CTNNA3: variants seen among roughly 807,000 people sequenced by gnomAD.
The protein encoded by CTNNA3 is catenin alpha-3.
Under a neutral mutation model 95.7 loss-of-function variants are expected in CTNNA3, and 76 were observed. The ratio of observed to expected loss-of-function variants is 0.79; its 90% CI spans 0.66 to 0.96. CTNNA3 has a LOEUF of 0.96. CTNNA3 is among the 40% of genes least tolerant of loss of function. The pLI is 0.00. For missense variants in CTNNA3, 1,191 were observed against 1,089.8 expected (o/e 1.09, Z -1.31); for synonymous variants, 431 against 374.4 (o/e 1.15, Z -1.74).
intron 5 of CTNNA3, among the ~76,000 whole-genome samples, chr10:67,264,419 A>C (rs1343285239): frequency 6.6e-6 from 1 of 152,180 alleles, no homozygotes; most frequent in East Asian, 1.9e-4. Context: ...ATCTCCAAAC[A>C]GCTATATGAG....
intron 5 of CTNNA3, among the ~76,000 whole-genome samples, chr10:67,379,608 T>C (rs924406867): frequency 2.6e-5 from 4 of 152,152 alleles, no homozygotes; most frequent in Admixed American, 6.5e-5. Context: ...GGTAATTTTT[T>C]AAATAGGATC....
chr10:66,130,635 G>C (rs979475849), intron 13 of CTNNA3, among the ~76,000 whole-genome samples: 6 of 151,942 alleles, frequency 3.9e-5, no homozygotes, highest in Admixed American at 6.5e-5. Flanking sequence ...GTGAGGTCTC[G>C]AGTTCGAGAC....
At chr10:66,928,291 C>A in intron 7 of CTNNA3, 1 of 1,614,078 alleles carries the variant, frequency 6.2e-7, no homozygotes, top group Non-Finnish European at 8.5e-7. Flanking sequence ...CTCCCTCATG[C>A]GAAGGCACAG....
intron 7 of CTNNA3, among the ~76,000 whole-genome samples, chr10:67,066,496 C>T (rs1282919530): frequency 6.7e-6 from 1 of 149,824 alleles, no homozygotes; most frequent in Non-Finnish European, 1.5e-5. Context: ...TGGCCAAGTC[C>T]CTTGCTTTTT....
chr10:66,240,796 G>C (rs1230745974), intron 13 of CTNNA3, among the ~76,000 whole-genome samples: 2 of 151,948 alleles, frequency 1.3e-5, no homozygotes, highest in African/African-American at 4.8e-5. Context: ...TATATTGAAT[G>C]ATGTAAACAA....
intron 9 of CTNNA3, among the ~76,000 whole-genome samples, chr10:66,631,555 C>T (rs1000971786): frequency 6.6e-6 from 1 of 152,074 alleles, no homozygotes; most frequent in Non-Finnish European, 1.5e-5. Context: ...TATGCCTATT[C>T]TGATTAAAGC....
chr10:66,360,835 TTCTTTC>T, intron 12 of CTNNA3, among the ~76,000 whole-genome samples: 1 of 133,616 alleles, frequency 7.5e-6, no homozygotes, highest in Non-Finnish European at 1.5e-5. Flanking sequence ...CTTTCTTTCT[TTCTTTC>T]TTTCTTTCTT....
intron 17 of CTNNA3, among the ~76,000 whole-genome samples, chr10:65,921,560 A>G (rs2077086323): frequency 6.6e-6 from 1 of 152,256 alleles, no homozygotes; most frequent in Non-Finnish European, 1.5e-5. Flanking sequence ...GTTACCAGAC[A>G]TACGCCTTAC....
chr10:66,570,248 G>A (rs989710337), intron 10 of CTNNA3, among the ~76,000 whole-genome samples: 1 of 151,800 alleles, frequency 6.6e-6, no homozygotes, highest in Admixed American at 6.6e-5. Flanking sequence ...ATAGATGCTA[G>A]TTTTCCTTAT....
intron 11 of CTNNA3, among the ~76,000 whole-genome samples, chr10:66,409,405 A>ATC (rs1369990413): frequency 6.6e-6 from 1 of 151,832 alleles, no homozygotes; most frequent in African/African-American, 2.4e-5. Context: ...CTGTTCCCAA[A>ATC]AAAAAAAAAT....
chr10:67,225,623 A>C (rs771392790), intron 5 of CTNNA3, among the ~76,000 whole-genome samples: 9 of 152,140 alleles, frequency 5.9e-5, no homozygotes, highest in Non-Finnish European at 1.2e-4. Context: ...GAAGAGAGAC[A>C]ACAGTCATTG....
intron 7 of CTNNA3, among the ~76,000 whole-genome samples, chr10:66,845,703 C>CAAAAAAATAAATAAATAAAT (rs763166999): frequency 3.4e-4 from 8 of 23,548 alleles, no homozygotes; most frequent in Non-Finnish European, 6.2e-4. Flanking sequence ...AACTCTGTCT[C>CAAAAAAATAAATAAATAAAT]AAAAAAAAAA....
intron 2 of CTNNA3, among the ~76,000 whole-genome samples, chr10:67,628,129 T>A (rs898875715): frequency 6.6e-6 from 1 of 151,596 alleles, no homozygotes; most frequent in African/African-American, 2.4e-5. Context: ...GTTTTTAAAC[T>A]GAGCCTTAAA....
chr10:67,604,940 T>C (rs998979635), intron 3 of CTNNA3, among the ~76,000 whole-genome samples: 2 of 152,300 alleles, frequency 1.3e-5, no homozygotes, highest in Non-Finnish European at 2.9e-5. Flanking sequence ...GTATATAACA[T>C]ACATAACAAA....
intron 13 of CTNNA3, among the ~76,000 whole-genome samples, chr10:66,161,632 T>G (rs1414408766): frequency 6.6e-6 from 1 of 152,114 alleles, no homozygotes; most frequent in South Asian, 2.1e-4. Context: ...CTCTTAAGAG[T>G]CTTTCTTTCA....
intron 12 of CTNNA3, among the ~76,000 whole-genome samples, chr10:66,364,028 T>A (rs564854251): frequency 0.018 from 2,777 of 152,178 alleles, 92 homozygotes; most frequent in African/African-American, 0.064. Context: ...TTGGTAAGTA[T>A]TAGAGCTAAA....
chr10:67,432,956 T>C (rs1388232919), intron 5 of CTNNA3, among the ~76,000 whole-genome samples: 3 of 152,032 alleles, frequency 2.0e-5, no homozygotes, highest in African/African-American at 7.2e-5. Flanking sequence ...GTGTAGCACT[T>C]GTATTATTTT....
At chr10:67,400,922 G>A (rs1439710899) in intron 5 of CTNNA3, among the ~76,000 whole-genome samples, 2 of 152,102 alleles carry the variant, frequency 1.3e-5, no homozygotes, top group Non-Finnish European at 2.9e-5. Flanking sequence ...AAAAAACTTT[G>A]CTGTCATCCT....
chr10:66,026,214 C>T (rs564791004), intron 15 of CTNNA3, among the ~76,000 whole-genome samples: 9 of 152,204 alleles, frequency 5.9e-5, no homozygotes, highest in South Asian at 4.2e-4. Context: ...GCATCTGCTT[C>T]GTATAGGAGA....
Sources: gnomAD v4.1 joint callset for allele counts (sites outside exome capture counted in the v4.1 genomes callset) on GRCh38, gnomAD v4.1.1 for gene constraint, MANE v1.5 for transcripts, NCBI Gene and HGNC (gene_info 2026-07-23, HGNC 2026-07-21) for gene names.